The following PITPNM1 variants were observed in gnomAD, a reference collection of about 807,000 sequenced individuals.
The protein encoded by PITPNM1 is membrane-associated phosphatidylinositol transfer protein 1.
PITPNM1 carries 74 observed loss-of-function variants against 133.3 expected under a neutral mutation model. The ratio of observed to expected loss-of-function variants is 0.56; its 90% confidence interval spans 0.46 to 0.67. The LOEUF (loss-of-function observed/expected upper bound fraction) is 0.67, where lower values mean the gene tolerates loss of function less well. Among genes scored for constraint, PITPNM1 ranks in the 30% least tolerant of loss-of-function variants. The pLI, the probability that PITPNM1 is intolerant of heterozygous loss-of-function variation, is 0.00. For missense variants in PITPNM1, 1,398 were observed against 1,739.5 expected (o/e 0.80, Z 3.49); for synonymous variants, 738 against 741.4 (o/e 1.00, Z 0.08).
intron 2 of PITPNM1, chr11:67,503,845 C>T (rs1475782575): frequency 5.3e-6 from 2 of 374,300 alleles, no homozygotes; most frequent in Non-Finnish European, 9.7e-6. Flanking sequence ...GCCTCCTGGG[C>T]GCTTTTTCCT....
chr11:67,498,501 C>T lies in PITPNM1; in HGVS notation c.1484+95G>A. On this transcript the variant is annotated intron_variant, in intron 10 of 23. Transcript: ENST00000356404. This position sits in a 1 kb window ranked among gnomAD's most constrained non-coding sequence, Gnocchi z 5.7. The stretch of plus-strand genomic sequence containing the variant: ...CAGGTCCAGCCATGCCAGTGACCGA[C>T]CCAGGTGTCTGGCTTCCTGACCCCT... The T allele has an allele frequency of 1.3e-6, 2 of 1,524,892 alleles. No individual in the cohort carries two copies. The highest frequency in any genetic ancestry group is 1.8e-6 in the Non-Finnish European group (2 of 1,133,228). 94.5% of individuals were successfully genotyped at this position (1,524,892 alleles called of 1,614,324 possible).
At position 67,495,458 on chromosome 11, in the gene PITPNM1, G is replaced by C; in HGVS notation, c.2462C>G (p.Thr821Ser). Residue 821 changes from threonine to serine, a missense_variant, in exon 16 of 24, where the codon ACC (threonine) becomes AGC (serine). Thr to Ser is a moderately conservative substitution (Grantham distance 58). Around this residue, in one of 5 missense-constraint regions of PITPNM1, gnomAD observed 574 missense variants for 698.7 expected, o/e 0.82. Coordinates refer to ENST00000356404, the MANE Select transcript of PITPNM1 (RefSeq NM_004910.3). ...DPPAQPAAPS[T>S]TSEVVKILER... ...CTTACTCTTAACCACCTCACTGGTG[G>C]TGCTGGGGGCGGCTGGCTGGGCCGG... The C allele has an allele frequency of 6.5e-7, 1 of 1,536,560 alleles. No homozygotes were observed. The highest frequency in any genetic ancestry group is 8.8e-7 in the Non-Finnish European group (1 of 1,141,024).
Position 67,493,556 on chromosome 11 carries a change from T to C in PITPNM1, c.3196A>G (p.Thr1066Ala). Residue 1066 changes from threonine to alanine, a missense_variant, in exon 22 of 24, where the codon ACA becomes GCA. By Grantham distance (58) the Thr-to-Ala change is moderately conservative. Coordinates refer to ENST00000356404, the MANE Select transcript of PITPNM1 (RefSeq NM_004910.3). ...QDSGYLIVYV[T>A]GRPDMQKHRV... ...TGCTTCTGCATATCCGGCCGGCCTG[T>C]GACATACACGATCAGGTAGCCGGAG... 1 of 1,563,782 alleles carries C rather than the reference T, an allele frequency of 6.4e-7. No individual in the cohort carries two copies. The highest frequency in any genetic ancestry group is 8.7e-7 in the Non-Finnish European group (1 of 1,153,510).
intron 12 of PITPNM1, 49 bp downstream of exon 12, chr11:67,497,858 GACCTAGAGCC>G: frequency 6.5e-7 from 1 of 1,535,546 alleles, no homozygotes; most frequent in Non-Finnish European, 8.9e-7. Context: ...AGGGGGCAGA[GACCTAGAGCC>G]AGAGAGGGCC....
Position 67,492,165 on chromosome 11 carries a change from C to G in PITPNM1, c.3603G>C (p.Leu1201=). 1 of 1,611,518 alleles carries G rather than the reference C, an allele frequency of 6.2e-7. No individual in the cohort carries two copies. Among genetic ancestry groups the G allele is most frequent in the Non-Finnish European group, 8.5e-7 (1 of 1,179,792 alleles). The change falls in exon 24 of 24, where the codon CTG becomes CTC. Residue 1201 remains leucine, a synonymous_variant. Coordinates refer to ENST00000356404, the MANE Select transcript of PITPNM1 (RefSeq NM_004910.3). ...AGCGAAGCAGCTGGCTCTGTTTGCG[C>G]AGGAAGTCCACGGGGGCAGCCACAC... ...SYGVAAPVDF[L]RKQSQLLRSR... is the part of the protein sequence containing the mutation.
intron 18 of PITPNM1, 63 bp from the exon 19 acceptor site, chr11:67,494,423 A>T: frequency 2.1e-6 from 2 of 964,982 alleles, no homozygotes; most frequent in Non-Finnish European, 1.4e-6. Context: ...GGGGAGGGGG[A>T]GCGGGTGAGG....
At chr11:67,499,643 C>T in intron 8 of PITPNM1, 80 bp downstream of exon 8, 1 of 484,084 alleles carries the variant, frequency 2.1e-6, no homozygotes, top group Non-Finnish European at 3.3e-6. Context: ...TTCAGATTGC[C>T]TCTCATCTTA....
rs538795241 is a variant in PITPNM1 at position 67,494,944 on chromosome 11, C to T, written c.2644G>A (p.Glu882Lys). 106 of 1,612,662 alleles carry T rather than the reference C, an allele frequency of 6.6e-5. 2 individuals carry two copies. The South Asian group carries it at 1.1e-3, about 17-fold the overall frequency. ...TCGCATTCCGCCAGCTGTGGCCGCT[C>T]CTTCTCGATCACCTGCACGGGACAG... ...AFILRQVIEKERPQLAECEEP... is the reference protein window; with the variant it reads ...AFILRQVIEKKRPQLAECEEP... Residue 882 changes from glutamate (E) to lysine (K), a missense_variant, in exon 18 of 24, where the codon GAG (glutamate) becomes AAG (lysine). Glu to Lys is a moderately conservative substitution (Grantham distance 56). This residue lies in a region of PITPNM1 where 574 missense variants were observed against 698.7 expected (regional missense o/e 0.82). Coordinates refer to ENST00000356404, the MANE Select transcript of PITPNM1 (RefSeq NM_004910.3).
chr11:67,494,236 G>A lies in PITPNM1; in HGVS notation c.2859+8C>T. The A allele has an allele frequency of 1.2e-6, 2 of 1,610,040 alleles. No individual in the cohort carries two copies. The highest frequency in any genetic ancestry group is 8.5e-7 in the Non-Finnish European group (1 of 1,177,450). ...TGGGACCAGGCGACAGGGCCTCTGG[G>A]TCCTGACCTTCTCTCCAGTGAGCGT... is the stretch of plus-strand genomic sequence containing the variant. On this transcript the variant is annotated splice_region_variant and intron_variant, in intron 19 of 23. Coordinates refer to ENST00000356404, the MANE Select transcript of PITPNM1 (RefSeq NM_004910.3).
At chr11:67,505,487 G>GAGGC (rs1269754445), upstream of PITPNM1, 2 of 152,274 alleles carry the variant, frequency 1.3e-5, no homozygotes, top group Non-Finnish European at 2.9e-5. This position sits in a 1 kb window ranked among gnomAD's most constrained non-coding sequence, Gnocchi z 5.8. Context: ...GGCAGGGAGG[G>GAGGC]AGGCCCCTGC....
chr11:67,504,270 C>T lies in PITPNM1; in HGVS notation c.-41-49G>A. 1.3e-6 allele frequency: 1 copy of T among 761,586 alleles called. No individual in the cohort carries two copies. The highest frequency in any genetic ancestry group is 1.8e-6 in the Non-Finnish European group (1 of 552,516). 47.2% of individuals were successfully genotyped at this position (761,586 alleles called of 1,614,324 possible). On this transcript the variant is annotated intron_variant, in intron 1 of 23. Transcript: ENST00000356404. This position sits in a 1 kb window ranked among gnomAD's most constrained non-coding sequence, Gnocchi z 5.4. ...GTCAGTGCGGGGAGGCTGCGCGCGG[C>T]CCCGAGCCCTGCGCGCCGGCCGAGG...
Position 67,493,065 on chromosome 11 carries a change from G to A in PITPNM1, c.3343-3C>T, listed in dbSNP as rs1865985293. ...CCGGCCACGATGTTCAGTTCTACCT[G>A]TGGCGGGAGATGCCAATCAGCCGCC... On this transcript the variant is annotated splice_polypyrimidine_tract_variant and splice_region_variant and intron_variant, in intron 22 of 23. Transcript: ENST00000356404. The A allele has an allele frequency of 1.2e-6, 2 of 1,612,768 alleles. No homozygotes were observed. Among genetic ancestry groups the A allele is most frequent in the Non-Finnish European group, 8.5e-7 (1 of 1,179,868 alleles).
Position 67,498,367 on chromosome 11 carries a change from ACTC to A in PITPNM1, c.1485-48_1485-46del. 1.3e-6 allele frequency: 2 copies of A among 1,482,158 alleles called. No individual in the cohort carries two copies. The highest frequency in any genetic ancestry group is 1.8e-6 in the Non-Finnish European group (2 of 1,116,176). 91.8% of individuals were successfully genotyped at this position (1,482,158 alleles called of 1,614,324 possible). A position where few individuals can be genotyped will look rare whatever the true frequency, so the allele number is the denominator to read the frequency against. ...GCGTGGGTGAGGGGCTTCCAGACCC[ACTC>A]CTGCCATCCAAGTCCCCTGGGCCTG... is the stretch of plus-strand genomic sequence containing the variant. On this transcript the variant is annotated intron_variant, in intron 10 of 23. Transcript: ENST00000356404. This position sits in a 1 kb window ranked among gnomAD's most constrained non-coding sequence, Gnocchi z 5.7.
At position 67,495,447 on chromosome 11, in the gene PITPNM1, C is replaced by G; in HGVS notation, c.2473G>C (p.Val825Leu). 2 of 1,522,524 alleles carry G rather than the reference C, an allele frequency of 1.3e-6. No individual in the cohort carries two copies. The highest frequency in any genetic ancestry group is 1.8e-6 in the Non-Finnish European group (2 of 1,133,776). 94.3% of individuals were successfully genotyped at this position (1,522,524 alleles called of 1,614,324 possible). A position where few individuals can be genotyped will look rare whatever the true frequency, so the allele number is the denominator to read the frequency against. Residue 825 changes from valine (V) to leucine (L), a missense_variant, in exon 16 of 24, where the codon GTG becomes CTG. Around this residue, in one of 5 missense-constraint regions of PITPNM1, gnomAD observed 574 missense variants for 698.7 expected, o/e 0.82. Transcript: ENST00000356404. ...QPAAPSTTSE[V>L]VKILERWWGT... Reference sequence around the variant, plus strand: ...AGGCTGGCTGACTTACTCTTAACCACCTCACTGGTGGTGCTGGGGGCGGCT... The same window carrying G: ...AGGCTGGCTGACTTACTCTTAACCAGCTCACTGGTGGTGCTGGGGGCGGCT...
chr11:67,498,988 C>G lies in PITPNM1; in HGVS notation c.1185G>C (p.Glu395Asp). Residue 395 changes from glutamate (E) to aspartate (D), a missense_variant, in exon 9 of 24, where the codon GAG (glutamate) becomes GAC (aspartate). By Grantham distance (45) the Glu-to-Asp change is conservative. Around this residue, in one of 5 missense-constraint regions of PITPNM1, gnomAD observed 195 missense variants for 178.8 expected, o/e 1.09. Transcript: ENST00000356404. The surrounding 1 kb of genome is among the most constrained non-coding windows in gnomAD (Gnocchi z 5.7). ...CCCCATCCTCAATGCCTTTAGCTGCCTCGGCTCCAGGCTCTGCAGGGCAAC... is the reference window on the plus strand; with the variant it reads ...CCCCATCCTCAATGCCTTTAGCTGCGTCGGCTCCAGGCTCTGCAGGGCAAC... ...EAEGTPEPGA[E>D]AAKGIEDGAQ... 1 of 1,612,164 alleles carries G rather than the reference C, an allele frequency of 6.2e-7. No individual in the cohort carries two copies. The highest frequency in any genetic ancestry group is 8.5e-7 in the Non-Finnish European group (1 of 1,179,490).
In PITPNM1 at chr11:67,497,212, C is replaced by G. The variant is rs772256639; in HGVS notation, c.2146+19G>C. 4.5e-6 allele frequency: 7 copies of G among 1,570,786 alleles called. No homozygotes were observed. Among genetic ancestry groups the G allele is most frequent in the Non-Finnish European group, 5.2e-6 (6 of 1,154,946 alleles). The stretch of plus-strand genomic sequence containing the variant: ...GGCAGACAGAGACTAGAGGCGCCCC[C>G]GCAGCCCCTAGGACTCACCCTCCAG... On this transcript the variant is annotated intron_variant, in intron 14 of 23. Coordinates refer to ENST00000356404, the MANE Select transcript of PITPNM1 (RefSeq NM_004910.3).
chr11:67,504,135 C>G lies in PITPNM1; in HGVS notation c.46G>C (p.Glu16Gln), dbSNP rs1466436667. ...ATGTAGAGCTGGGCCACCTGGTACT[C>G]GTCCAGGCTCATGGGCAGCAGAATG... is the stretch of plus-strand genomic sequence containing the variant. ...YHILLPMSLD[E>Q]YQVAQLYMIQ... Residue 16 changes from glutamate (E) to glutamine (Q), a missense_variant, in exon 2 of 24, where the codon GAG (glutamate) becomes CAG (glutamine). Coordinates refer to ENST00000356404, the MANE Select transcript of PITPNM1 (RefSeq NM_004910.3). This position sits in a 1 kb window ranked among gnomAD's most constrained non-coding sequence, Gnocchi z 5.4. The G allele has an allele frequency of 6.2e-7, 1 of 1,609,502 alleles. No homozygotes were observed. Among genetic ancestry groups the G allele is most frequent in the Non-Finnish European group, 8.5e-7 (1 of 1,178,700 alleles).
chr11:67,492,774 C>T (rs1291527390), intron 23 of PITPNM1, among the ~76,000 whole-genome samples, 160 bp downstream of exon 23: 5 of 152,280 alleles, frequency 3.3e-5, no homozygotes, highest in Admixed American at 6.5e-5. Flanking sequence ...CAGCTGGCAG[C>T]TCAAGCTGCT....
In PITPNM1 at chr11:67,502,368, G is replaced by A. The variant is rs746459719; in HGVS notation, c.339C>T (p.Thr113=). ...GCTGCCCCCCATCAGGCAGGTAATAGGTCTCAATTTCAATGGAGAATTTCT... is the reference window on the plus strand; with the variant it reads ...GCTGCCCCCCATCAGGCAGGTAATAAGTCTCAATTTCAATGGAGAATTTCT... The part of the protein sequence containing the change: ...FVEKFSIEIE[T]YYLPDGGQQP... Residue 113 remains threonine (T), a synonymous_variant, in exon 4 of 24, where the codon ACC becomes ACT. Coordinates refer to ENST00000356404, the MANE Select transcript of PITPNM1 (RefSeq NM_004910.3). This position sits in a 1 kb window ranked among gnomAD's most constrained non-coding sequence, Gnocchi z 5.9. The A allele has an allele frequency of 7.4e-6, 12 of 1,613,760 alleles. No individual in the cohort carries two copies. The East Asian group carries it at 2.5e-4, about 33-fold the overall frequency.
Sources: gnomAD v4.1 joint callset for allele counts (sites outside exome capture counted in the v4.1 genomes callset) on GRCh38, gnomAD v4.1.1 for gene constraint, gnomAD v4.1.1 regional missense constraint, Gnocchi (gnomAD v3.1) non-coding constraint, MANE v1.5 for transcripts, NCBI Gene and HGNC (gene_info 2026-07-23, HGNC 2026-07-21) for gene names.